ARHGAP15: variants seen among roughly 807,000 people sequenced by gnomAD.
ARHGAP15 encodes Rho GTPase activating protein 15, also known as rho GTPase-activating protein 15.
A neutral mutation model predicts 63.7 loss-of-function variants in ARHGAP15; 51 were observed. The observed-to-expected ratio is 0.80, with a 90% CI of 0.64 to 1.01. The LOEUF (loss-of-function observed/expected upper bound fraction) is 1.01, where lower values mean the gene tolerates loss of function less well. ARHGAP15 is among the 50% of genes least tolerant of loss of function. The probability of loss-of-function intolerance (pLI) is 0.00; values close to 1 mark genes in which losing one functional copy is unlikely to be tolerated. For missense variants in ARHGAP15, 560 were observed against 564.6 expected, an observed-to-expected ratio of 0.99 and a Z score of 0.08; for synonymous variants, 191 against 193.8, an observed-to-expected ratio of 0.99 and a Z score of 0.12.
intron 6 of ARHGAP15, among the ~76,000 whole-genome samples, chr2:143,280,129 A>C (rs1306186825): frequency 3.9e-5 from 6 of 152,228 alleles, no homozygotes. Context: ...AAGCATAGCT[A>C]TATGATTTAC....
At chr2:143,142,015 A>G (rs936020862) in intron 1 of ARHGAP15, among the ~76,000 whole-genome samples, 4 of 152,130 alleles carry the variant, frequency 2.6e-5, no homozygotes, top group Admixed American at 6.6e-5. Context: ...GCTGTCTCTT[A>G]CCATACACAC....
chr2:143,175,233 G>A (rs1388294122), intron 2 of ARHGAP15, among the ~76,000 whole-genome samples: 1 of 152,112 alleles, frequency 6.6e-6, no homozygotes, highest in African/African-American at 2.4e-5. Context: ...CCTGACCCGA[G>A]TGAAAGAAAT....
Position 143,562,818 on chromosome 2 carries a change from G to C in ARHGAP15, c.1003+6333G>C, listed in dbSNP as rs151243185. Among the ~76,000 whole-genome samples, 144 of 152,318 alleles carry C rather than the reference G, an allele frequency of 9.5e-4. 1 individual carries two copies. Among genetic ancestry groups the C allele is most frequent in the Middle Eastern group, 6.8e-3 (2 of 292 alleles). ...GCATTAGTAAATAATGCTGAACACA[G>C]AGGTCAAAAGAGTAAGTTATTCATG... On this transcript the variant is annotated intron_variant, in intron 11 of 13. Transcript: ENST00000295095.
intron 8 of ARHGAP15, among the ~76,000 whole-genome samples, chr2:143,445,825 CA>C (rs1690110287): frequency 6.6e-6 from 1 of 152,008 alleles, no homozygotes; most frequent in African/African-American, 2.4e-5. Flanking sequence ...TTGGAATTTT[CA>C]AGTTTCTATT....
chr2:143,397,544 T>C (rs1434717553), intron 6 of ARHGAP15, among the ~76,000 whole-genome samples: 2 of 149,644 alleles, frequency 1.3e-5, no homozygotes, highest in African/African-American at 5.0e-5. Context: ...ACAATTAATA[T>C]GTTAAAATAT....
intron 2 of ARHGAP15, among the ~76,000 whole-genome samples, chr2:143,177,526 C>T (rs1358194432): frequency 6.6e-6 from 1 of 152,188 alleles, no homozygotes; most frequent in East Asian, 1.9e-4. Flanking sequence ...CTTTCGATTG[C>T]ATACTCATTT....
chr2:143,711,407 C>T (rs1483259888), intron 13 of ARHGAP15, among the ~76,000 whole-genome samples: 1 of 152,150 alleles, frequency 6.6e-6, no homozygotes, highest in African/African-American at 2.4e-5. Flanking sequence ...AACAAGCTAT[C>T]TTTAAGGATG....
chr2:143,293,160 C>T (rs941216909), intron 6 of ARHGAP15, among the ~76,000 whole-genome samples: 5 of 152,042 alleles, frequency 3.3e-5, no homozygotes, highest in African/African-American at 1.2e-4. Flanking sequence ...GTATTGATAC[C>T]ACCCTCTTGG....
At chr2:143,552,563 CG>C (rs869303277) in intron 10 of ARHGAP15, among the ~76,000 whole-genome samples, 4 of 131,534 alleles carry the variant, frequency 3.0e-5, no homozygotes, top group East Asian at 4.7e-4. Flanking sequence ...AAAAAAAAGT[CG>C]GGGTGGGGAG....
chr2:143,744,397 A>G (rs1445390803), intron 13 of ARHGAP15, among the ~76,000 whole-genome samples: 1 of 152,220 alleles, frequency 6.6e-6, no homozygotes, highest in Admixed American at 6.5e-5. Flanking sequence ...CTTCATCCAT[A>G]AAGAAAAGCA....
At chr2:143,700,989 C>CT (rs941094304) in intron 12 of ARHGAP15, among the ~76,000 whole-genome samples, 3 of 151,984 alleles carry the variant, frequency 2.0e-5, no homozygotes, top group East Asian at 1.9e-4. Context: ...TTGCAACTTT[C>CT]TTTTTTTTCT....
intron 8 of ARHGAP15, among the ~76,000 whole-genome samples, chr2:143,454,999 G>A (rs751502069): frequency 6.6e-6 from 1 of 151,932 alleles, no homozygotes; most frequent in Non-Finnish European, 1.5e-5. Context: ...TTACTGGAAG[G>A]GGCTCCCAAT....
At chr2:143,515,797 C>A (rs1294723159) in intron 9 of ARHGAP15, among the ~76,000 whole-genome samples, 1 of 152,186 alleles carries the variant, frequency 6.6e-6, no homozygotes, top group African/African-American at 2.4e-5. Context: ...GGTATCTGCA[C>A]ACTCTCAAAT....
intron 2 of ARHGAP15, among the ~76,000 whole-genome samples, chr2:143,196,468 T>C (rs1691891012): frequency 6.6e-6 from 1 of 152,008 alleles, no homozygotes; most frequent in African/African-American, 2.4e-5. Flanking sequence ...AGTTCAAATA[T>C]TTATCAGGAA....
intron 8 of ARHGAP15, among the ~76,000 whole-genome samples, chr2:143,474,974 G>A (rs528378142): frequency 6.6e-6 from 1 of 152,290 alleles, no homozygotes; most frequent in South Asian, 2.1e-4. Context: ...CAAAAGGGTG[G>A]CTGGAAGCAG....
At chr2:143,418,046 C>T (rs1574420220) in intron 6 of ARHGAP15, among the ~76,000 whole-genome samples, 2 of 152,170 alleles carry the variant, frequency 1.3e-5, no homozygotes, top group African/African-American at 2.4e-5. Flanking sequence ...ATTTTGGGTA[C>T]AATAATACTA....
chr2:143,298,352 A>G (rs879610454), intron 6 of ARHGAP15, among the ~76,000 whole-genome samples: 10 of 152,088 alleles, frequency 6.6e-5, no homozygotes, highest in Middle Eastern at 3.4e-3. Flanking sequence ...GAAACTCTTT[A>G]TTATCCTCTT....
chr2:143,295,756 T>A (rs1682606675), intron 6 of ARHGAP15: 2 of 151,966 alleles, frequency 1.3e-5, no homozygotes, highest in Admixed American at 1.3e-4. Context: ...TTAGAACTTA[T>A]TTTTTTGCAT....
intron 6 of ARHGAP15, among the ~76,000 whole-genome samples, chr2:143,266,487 C>T (rs1235297174): frequency 6.6e-6 from 1 of 152,038 alleles, no homozygotes; most frequent in Non-Finnish European, 1.5e-5. Context: ...TTGGTAGTTG[C>T]CATTGTATGA....
Sources: allele counts gnomAD v4.1 joint callset (sites outside exome capture counted in the v4.1 genomes callset), GRCh38; gene constraint gnomAD v4.1.1; transcripts MANE v1.5; gene names NCBI Gene and HGNC (gene_info 2026-07-23, HGNC 2026-07-21).